The following BAG6 variants were observed in gnomAD, a reference collection of about 807,000 sequenced individuals.
BAG6 encodes BAG cochaperone 6.
A neutral mutation model predicts 121.0 loss-of-function variants in BAG6; 22 were observed. The ratio of observed to expected loss-of-function variants is 0.18; its 90% confidence interval spans 0.13 to 0.26. BAG6 has a LOEUF of 0.26. Among genes scored for constraint, BAG6 ranks in the 10% least tolerant of loss-of-function variants. The pLI is 1.00. For synonymous variants in BAG6, 583 were observed against 584.6 expected, an observed-to-expected ratio of 1.00 and a Z score of 0.04; for missense variants, 1,233 against 1,537.7, an observed-to-expected ratio of 0.80 and a Z score of 3.31.
In BAG6 at chr6:31,640,686, T is replaced by A. The variant is rs150422210; in HGVS notation, c.2953A>T (p.Met985Leu). 6 of 1,613,038 alleles carry A rather than the reference T, an allele frequency of 3.7e-6. No homozygotes were observed. The highest frequency in any genetic ancestry group is 1.7e-5 in the Admixed American group (1 of 60,028). ...GCTCTTTCTGCTCCCTGAACTTCCA[T>A]TGGCTCCTCAGGAAGTGGCTGTGAA... ...DPPQPLPEEP[M>L]EVQGAERASP... Residue 985 changes from methionine (M) to leucine (L), a missense_variant, in exon 22 of 26, where the codon ATG becomes TTG. Physicochemically the swap from Met to Leu is conservative, Grantham distance 15. Around this residue, in one of 7 missense-constraint regions of BAG6, gnomAD observed 288 missense variants for 483.1 expected, o/e 0.60. Coordinates refer to ENST00000676615, the MANE Select transcript of BAG6 (RefSeq NM_001387994.1). This position sits in a 1 kb window ranked among gnomAD's most constrained non-coding sequence, Gnocchi z 4.2.
At chr6:31,652,082 G>A in intron 1 of BAG6, 1 of 287,914 alleles carries the variant, frequency 3.5e-6, no homozygotes, top group Non-Finnish European at 6.8e-6. Flanking sequence ...GTCATCACCG[G>A]TCACGGCAGG....
chr6:31,643,721 CAAAAAAAAAAA>C (rs9281540), intron 14 of BAG6, among the ~76,000 whole-genome samples, 158 bp downstream of exon 14: 45 of 66,268 alleles, frequency 6.8e-4, no homozygotes, highest in Admixed American at 1.1e-3. Flanking sequence ...GACTCCATCT[CAAAAAAAAAAA>C]AAAAAAAAAA....
At chr6:31,639,910 T>G in intron 24 of BAG6, 2 of 615,998 alleles carry the variant, frequency 3.2e-6, no homozygotes, top group South Asian at 2.1e-5. Flanking sequence ...GATTCAGAGC[T>G]AGGTAATCCA....
rs900834346 is a variant in BAG6, at chr6:31,649,594, C to A, written c.142G>T (p.Ala48Ser). ...NVKEFKEHIA[A>S]SVSIPSEKQR... ...TTTTCAGATGGGATGCTGACAGAGG[C>A]AGCAATGTGCTCCTTAAACTCTTTT... The change falls in exon 3 of 26, where the codon GCC (alanine) becomes TCC (serine). Residue 48 changes from alanine to serine, a missense_variant. Around this residue, in one of 7 missense-constraint regions of BAG6, gnomAD observed 28 missense variants for 24.5 expected, o/e 1.14. Transcript: ENST00000676615. 1 of 1,614,130 alleles carries A rather than the reference C, an allele frequency of 6.2e-7. No individual in the cohort carries two copies. Among genetic ancestry groups the A allele is most frequent in the Admixed American group, 1.7e-5 (1 of 60,010 alleles).
intron 7 of BAG6, 56 bp from the exon 8 acceptor site, chr6:31,646,579 A>T: frequency 6.3e-7 from 1 of 1,595,230 alleles, no homozygotes; most frequent in South Asian, 1.1e-5. Flanking sequence ...TCCCACCCTC[A>T]CAGTCAACAG....
Position 31,641,091 on chromosome 6 carries a change from A to G in BAG6, c.2787+13T>C, listed in dbSNP as rs778544071. On this transcript the variant is annotated intron_variant, in intron 20 of 25. Transcript: ENST00000676615. This position sits in a 1 kb window ranked among gnomAD's most constrained non-coding sequence, Gnocchi z 5.7. ...AACAAAAGGCTAAGGATCTGGGGCTAGGTGGTGCTTACAATTCGGCCATTG... is the reference window on the plus strand; with the variant it reads ...AACAAAAGGCTAAGGATCTGGGGCTGGGTGGTGCTTACAATTCGGCCATTG... The G allele has an allele frequency of 8.1e-6, 13 of 1,612,954 alleles. No individual in the cohort carries two copies. The highest frequency in any genetic ancestry group is 9.3e-6 in the Non-Finnish European group (11 of 1,179,880).
At chr6:31,650,852 G>A (rs1795832343) in intron 2 of BAG6, among the ~76,000 whole-genome samples, 1 of 152,150 alleles carries the variant, frequency 6.6e-6, no homozygotes, top group Non-Finnish European at 1.5e-5. Flanking sequence ...TATTACAGGA[G>A]TAAAGACACA....
Position 31,640,493 on chromosome 6 carries a change from T to C in BAG6, c.3030A>G (p.Ala1010=). 6.2e-7 allele frequency: 1 copy of C among 1,613,088 alleles called. No individual in the cohort carries two copies. The highest frequency in any genetic ancestry group is 8.5e-7 in the Non-Finnish European group (1 of 1,180,020). Residue 1010 remains alanine, a synonymous_variant, in exon 23 of 26, where the codon GCA becomes GCG. Transcript: ENST00000676615. The surrounding 1 kb of genome is among the most constrained non-coding windows in gnomAD (Gnocchi z 4.2). ...GTGGACCTCGGGACATGGCCTCTTC[T>C]GCTGTTGTTCCAGGGGCTGGGGAAG... ...ENASPAPGTT[A]EEAMSRGPPP... is the part of the protein sequence containing the mutation.
At chr6:31,651,613 G>C (rs760712536) in intron 2 of BAG6, 43 bp downstream of exon 2, 10 of 1,560,422 alleles carry the variant, frequency 6.4e-6, no homozygotes, top group Non-Finnish European at 7.1e-6. Flanking sequence ...GCCTAAACGA[G>C]GAAAAGCTAA....
At chr6:31,646,622 C>G in intron 7 of BAG6, 99 bp from the exon 8 acceptor site, 1 of 1,494,724 alleles carries the variant, frequency 6.7e-7, no homozygotes, top group African/African-American at 1.4e-5. Flanking sequence ...CCCTGGTCTC[C>G]CAGAGCCCTG....
chr6:31,644,059 AG>A lies in BAG6; in HGVS notation c.1668+22del. ...GTCTCTCCCTAGACTGTTACGCACT[AG>A]AACTCCCCGACCCTTGCTCACCAGT... On this transcript the variant is annotated intron_variant, in intron 13 of 25. Coordinates refer to ENST00000676615, the MANE Select transcript of BAG6 (RefSeq NM_001387994.1). This position sits in a 1 kb window ranked among gnomAD's most constrained non-coding sequence, Gnocchi z 4.9. The A allele has an allele frequency of 3.1e-6, 5 of 1,612,916 alleles. No individual in the cohort carries two copies. Among genetic ancestry groups the A allele is most frequent in the Non-Finnish European group, 4.2e-6 (5 of 1,179,240 alleles).
At chr6:31,647,528 T>C in intron 7 of BAG6, 63 bp downstream of exon 7, 1 of 1,594,518 alleles carries the variant, frequency 6.3e-7, no homozygotes, top group Non-Finnish European at 8.5e-7. Context: ...CCATGGTTCA[T>C]TTCCTTCTCC....
chr6:31,646,774 T>G (rs1432089341), intron 7 of BAG6, among the ~76,000 whole-genome samples: 10 of 128,760 alleles, frequency 7.8e-5, no homozygotes, highest in East Asian at 4.5e-4. Context: ...TTGTTTTTTT[T>G]TTTTTTTTTT....
intron 9 of BAG6, 96 bp from the exon 10 acceptor site, chr6:31,645,294 T>C: frequency 6.2e-7 from 1 of 1,605,498 alleles, no homozygotes; most frequent in Non-Finnish European, 8.5e-7. Flanking sequence ...CCAGCCTTCA[T>C]CACCATGTTT....
Position 31,641,823 on chromosome 6 carries a change from G to A in BAG6, c.2458C>T (p.His820Tyr), listed in dbSNP as rs755264982. 6.2e-6 allele frequency: 10 copies of A among 1,613,114 alleles called. No individual in the cohort carries two copies. The highest frequency in any genetic ancestry group is 2.2e-5 in the South Asian group (2 of 91,088). The stretch of plus-strand genomic sequence containing the variant: ...TCCTGACCACCCAGGTAGTGCTGGT[G>A]GAAGAAGGATCGCAGCTGGGGCTGG... The part of the protein sequence containing the change: ...RLQPQLRSFF[H>Y]QHYLGGQEPT... The change falls in exon 17 of 26, where the codon CAC (histidine) becomes TAC (tyrosine). Residue 820 changes from histidine to tyrosine, a missense_variant. Around this residue, in one of 7 missense-constraint regions of BAG6, gnomAD observed 288 missense variants for 483.1 expected, o/e 0.60. Transcript: ENST00000676615. This position sits in a 1 kb window ranked among gnomAD's most constrained non-coding sequence, Gnocchi z 5.7.
At chr6:31,651,958 AGATC>A in intron 1 of BAG6, 182 bp from the exon 2 acceptor site, 1 of 550,262 alleles carries the variant, frequency 1.8e-6, no homozygotes, top group Non-Finnish European at 3.3e-6. Context: ...AAAGGGCAGG[AGATC>A]GACGGCTTAG....
In BAG6 at chr6:31,647,823, G is replaced by C. The variant is rs1469270727; in HGVS notation, c.556C>G (p.Arg186Gly). ...IQTLLSRMEC[R>G]GGPQPQHSQP... ...CTGTGCTGCGGTTGGGGCCCTCCTC[G>C]ACACTGAAGGTAGGGGAGAGTCAGG... Residue 186 changes from arginine to glycine, a missense_variant, in exon 7 of 26, where the codon CGA (arginine) becomes GGA (glycine). Around this residue, in one of 7 missense-constraint regions of BAG6, gnomAD observed 777 missense variants for 861.4 expected, o/e 0.90. Transcript: ENST00000676615. 1.0e-5 allele frequency: 16 copies of C among 1,541,724 alleles called. No homozygotes were observed. The highest frequency in any genetic ancestry group is 2.8e-5 in the African/African-American group (2 of 71,984).
rs1197750982 is a variant in BAG6, at chr6:31,644,239, G to A, written c.1556-45C>T. 1 of 1,579,948 alleles carries A rather than the reference G, an allele frequency of 6.3e-7. No individual in the cohort carries two copies. Among genetic ancestry groups the A allele is most frequent in the South Asian group, 1.1e-5 (1 of 87,454 alleles). On this transcript the variant is annotated intron_variant, in intron 12 of 25. Transcript: ENST00000676615. This position sits in a 1 kb window ranked among gnomAD's most constrained non-coding sequence, Gnocchi z 4.9. The stretch of plus-strand genomic sequence containing the variant: ...CAGACCGAAGAGGGCTGAGGGCCAG[G>A]CCCTTGCCAGCCAGCTGCCACCATG...
intron 7 of BAG6, 29 bp from the exon 8 acceptor site, chr6:31,646,552 C>G: frequency 1.2e-6 from 2 of 1,607,654 alleles, no homozygotes; most frequent in Non-Finnish European, 1.7e-6. Context: ...GGCAATGAGC[C>G]AAAGCCTTCC....
Sources: gnomAD v4.1 joint callset for allele counts (sites outside exome capture counted in the v4.1 genomes callset) on GRCh38, gnomAD v4.1.1 for gene constraint, gnomAD v4.1.1 regional missense constraint, Gnocchi (gnomAD v3.1) non-coding constraint, MANE v1.5 for transcripts, NCBI Gene and HGNC (gene_info 2026-07-23, HGNC 2026-07-21) for gene names.